PDZD9: variants seen among roughly 807,000 people sequenced by gnomAD.
The protein encoded by PDZD9 is PDZ domain containing 9, also known as PDZ domain-containing protein 9.
PDZD9 carries 13 observed loss-of-function variants against 16.3 expected under a neutral mutation model. That is an observed-to-expected ratio of 0.80 (90% CI 0.52 to 1.27). The LOEUF (loss-of-function observed/expected upper bound fraction) is 1.27, where lower values mean the gene tolerates loss of function less well. Ranked by LOEUF, PDZD9 falls within the 50% of genes most tolerant of loss-of-function variation. The probability of loss-of-function intolerance (pLI) is 0.00; values close to 1 mark genes in which losing one functional copy is unlikely to be tolerated. For synonymous variants in PDZD9, 120 were observed against 111.0 expected (o/e 1.08, Z -0.51); for missense variants, 288 against 310.9 (o/e 0.93, Z 0.55).
At chr16:21,958,388 C>G in the PDZD9 span, 1 of 712,696 alleles carries the variant, frequency 1.4e-6, no homozygotes, top group African/African-American at 1.8e-5. Flanking sequence ...TTTTGTTGAG[C>G]CTTGTTTTAT....
the PDZD9 span, among the ~76,000 whole-genome samples, chr16:21,974,165 G>T: frequency 0.04 from 6,047 of 152,254 alleles, 164 homozygotes; most frequent in Non-Finnish European, 0.06. Context: ...AATGCTTCCA[G>T]GAAAGAGGAG....
At chr16:22,000,867 G>GATGATGATGATA in intron 1 of PDZD9, 150 bp downstream of exon 1, 1 of 690,084 alleles carries the variant, frequency 1.4e-6, no homozygotes, top group Admixed American at 2.2e-5. Context: ...TGATGATGAT[G>GATGATGATGATA]ATGATGATAA....
At chr16:21,975,078 T>C in the PDZD9 span, among the ~76,000 whole-genome samples, 1 of 152,192 alleles carries the variant, frequency 6.6e-6, no homozygotes, top group Non-Finnish European at 1.5e-5. Flanking sequence ...TTTTCTTCAG[T>C]TGCATTCAGA....
intron 1 of PDZD9, chr16:21,998,839 G>A (rs1395576140): frequency 6.6e-6 from 1 of 152,550 alleles, no homozygotes; most frequent in Non-Finnish European, 1.5e-5. Flanking sequence ...GAAGTTGGAT[G>A]TAGATTTTCT....
chr16:21,987,614 TG>T (rs1330638019), intron 3 of PDZD9, among the ~76,000 whole-genome samples: 2 of 149,840 alleles, frequency 1.3e-5, no homozygotes, highest in East Asian at 3.9e-4. Flanking sequence ...AAGAAGAGAG[TG>T]GGTGGAAATT....
At chr16:21,979,606 CA>C (rs1322716744), downstream of PDZD9, among the ~76,000 whole-genome samples, 4 of 152,008 alleles carry the variant, frequency 2.6e-5, no homozygotes, top group Non-Finnish European at 5.9e-5. Flanking sequence ...AAATACAGCA[CA>C]AAAGATAAAA....
chr16:21,982,049 C>G (rs1350381996), downstream of PDZD9, among the ~76,000 whole-genome samples: 3 of 151,774 alleles, frequency 2.0e-5, no homozygotes, highest in African/African-American at 7.3e-5. Context: ...ACCATGTTAG[C>G]CAGGATGGTC....
At chr16:21,961,666 A>ATATT in the PDZD9 span, among the ~76,000 whole-genome samples, 1 of 111,104 alleles carries the variant, frequency 9.0e-6, no homozygotes, top group Admixed American at 9.4e-5. Context: ...ATATATATAT[A>ATATT]TATTTTAGAC....
chr16:21,960,361 G>T, the PDZD9 span, among the ~76,000 whole-genome samples: 7 of 152,178 alleles, frequency 4.6e-5, no homozygotes, highest in Non-Finnish European at 1.0e-4. Context: ...CTTTTCTTCT[G>T]CATCTCACCT....
chr16:21,990,005 A>G (rs1268282026), intron 2 of PDZD9, among the ~76,000 whole-genome samples: 1 of 152,148 alleles, frequency 6.6e-6, no homozygotes, highest in Non-Finnish European at 1.5e-5. Context: ...AGGAGCTTCT[A>G]GTTGCTAGGG....
At chr16:21,961,649 TATATATATATATATATATA>T in the PDZD9 span, among the ~76,000 whole-genome samples, 1 of 103,226 alleles carries the variant, frequency 9.7e-6, no homozygotes, top group Non-Finnish European at 1.9e-5. Flanking sequence ...TATATATATA[TATATATATATATATATATA>T]TTTTAGACAG....
downstream of PDZD9, among the ~76,000 whole-genome samples, chr16:21,981,818 C>T (rs921802590): frequency 6.6e-6 from 1 of 151,508 alleles, no homozygotes; most frequent in Middle Eastern, 3.2e-3. Context: ...GATTTCACTT[C>T]GCCCCAATCG....
At chr16:21,990,817 C>G (rs974200480) in intron 2 of PDZD9, among the ~76,000 whole-genome samples, 1 of 152,164 alleles carries the variant, frequency 6.6e-6, no homozygotes, top group African/African-American at 2.4e-5. Flanking sequence ...ATTTCCTGAC[C>G]GTTCTGGCTG....
At chr16:21,961,657 TA>T in the PDZD9 span, among the ~76,000 whole-genome samples, 1 of 95,334 alleles carries the variant, frequency 1.0e-5, no homozygotes. Flanking sequence ...TATATATATA[TA>T]TATATATATA....
intron 2 of PDZD9, among the ~76,000 whole-genome samples, chr16:21,995,671 C>T (rs1460482475): frequency 2.0e-5 from 3 of 152,182 alleles, no homozygotes; most frequent in African/African-American, 7.2e-5. Context: ...CATCTCAGCT[C>T]ACTGCAACCT....
In PDZD9 at chr16:21,984,373, T is replaced by C. The variant is rs1202588354; in HGVS notation, c.689A>G (p.Asn230Ser). The C allele has an allele frequency of 4.3e-6, 7 of 1,614,132 alleles. No individual in the cohort carries two copies. Among genetic ancestry groups the C allele is most frequent in the Non-Finnish European group, 5.9e-6 (7 of 1,180,008 alleles). ...GGAGGTAGAGGAGGAAGAGCTTTCATTGTCTTGCTTCACCATTATCCAGTA... is the reference window on the plus strand; with the variant it reads ...GGAGGTAGAGGAGGAAGAGCTTTCACTGTCTTGCTTCACCATTATCCAGTA... ...SPYWIMVKQD[N>S]ESSSSSTSST... is the part of the protein sequence containing the mutation. Residue 230 changes from asparagine to serine, a missense_variant, in exon 4 of 4, where the codon AAT becomes AGT. By Grantham distance (46) the Asn-to-Ser change is conservative (BLOSUM62 1). Coordinates refer to ENST00000424898, the MANE Select transcript of PDZD9 (RefSeq NM_001363519.1).
downstream of PDZD9, among the ~76,000 whole-genome samples, chr16:21,982,161 G>C (rs1898747032): frequency 6.6e-6 from 1 of 151,848 alleles, no homozygotes; most frequent in South Asian, 2.1e-4. Context: ...CTTTTAAATG[G>C]CTGTCTTCAT....
chr16:21,996,528 A>G (rs1276749703), intron 1 of PDZD9, 27 bp from the exon 2 acceptor site: 4 of 1,519,034 alleles, frequency 2.6e-6, no homozygotes, highest in Non-Finnish European at 3.5e-6. Flanking sequence ...AACTTATTTC[A>G]GTCCTTCACC....
At chr16:21,967,755 C>T in the PDZD9 span, among the ~76,000 whole-genome samples, 9 of 152,136 alleles carry the variant, frequency 5.9e-5, no homozygotes, top group East Asian at 1.5e-3. Context: ...CTTACAGTTT[C>T]GACACCCTGG....
Sources: allele counts gnomAD v4.1 joint callset (sites outside exome capture counted in the v4.1 genomes callset), GRCh38; gene constraint gnomAD v4.1.1; transcripts MANE v1.5; gene names NCBI Gene and HGNC (gene_info 2026-07-23, HGNC 2026-07-21).